ATP11B: variants seen among roughly 807,000 people sequenced by gnomAD.
ATP11B encodes ATPase phospholipid transporting 11B (putative).
In ATP11B, 81 loss-of-function variants were observed where a neutral mutation model predicts 157.8. The observed-to-expected ratio is 0.51, with a 90% CI of 0.43 to 0.62. The LOEUF (loss-of-function observed/expected upper bound fraction) is 0.62, where lower values mean the gene tolerates loss of function less well. Among genes scored for constraint, ATP11B ranks in the 20% least tolerant of loss-of-function variants. ATP11B has a pLI of 0.00. For missense variants in ATP11B, 1,165 were observed against 1,402.2 expected, an observed-to-expected ratio of 0.83 and a Z score of 2.70; for synonymous variants, 451 against 469.4, an observed-to-expected ratio of 0.96 and a Z score of 0.51.
chr3:182,867,579 CTTTTT>C (rs386398716), intron 15 of ATP11B, 135 bp downstream of exon 15: 54 of 152,728 alleles, frequency 3.5e-4, no homozygotes, highest in East Asian at 1.0e-3. Flanking sequence ...AGTCACATTA[CTTTTT>C]TTTTTTTTTT....
intron 1 of ATP11B, among the ~76,000 whole-genome samples, chr3:182,817,023 A>G (rs1288245851): frequency 1.3e-5 from 2 of 152,198 alleles, no homozygotes; most frequent in Non-Finnish European, 2.9e-5. Context: ...CCTATTTTGC[A>G]TATGAAAGAA....
At chr3:182,895,342 A>G (rs1723475311) in intron 25 of ATP11B, among the ~76,000 whole-genome samples, 1 of 152,124 alleles carries the variant, frequency 6.6e-6, no homozygotes, top group African/African-American at 2.4e-5. Flanking sequence ...ATAAAGGAAT[A>G]TTAATTGATG....
At chr3:182,911,068 A>G (rs1403670886) in intron 28 of ATP11B, among the ~76,000 whole-genome samples, 2 of 152,154 alleles carry the variant, frequency 1.3e-5, no homozygotes, top group African/African-American at 4.8e-5. Flanking sequence ...TTCATGGGCC[A>G]GTAATAGTGT....
chr3:182,839,725 C>T (rs920560437), intron 7 of ATP11B, among the ~76,000 whole-genome samples: 55 of 151,914 alleles, frequency 3.6e-4, no homozygotes, highest in Non-Finnish European at 6.2e-4. Context: ...ATTCTCCTGC[C>T]TTAGCCTCCC....
At position 182,835,983 on chromosome 3, in the gene ATP11B, G is replaced by A. The variant is rs113409912; in HGVS notation, c.316-52G>A. The A allele has an allele frequency of 9.0e-5, 130 of 1,438,314 alleles. 1 individual carries two copies. In the African/African-American group the frequency reaches 1.7e-3, roughly 18 times the overall value. The allele number at this position is 1,438,314 out of a possible 1,614,324, so 89.1% of individuals were successfully genotyped here. A position where few individuals can be genotyped will look rare whatever the true frequency, so the allele number is the denominator to read the frequency against. On this transcript the variant is annotated intron_variant, in intron 4 of 29. Transcript: ENST00000323116. Reference sequence around the variant, plus strand: ...GAGTTTTTTTTCTTATTTGATAAAAGTATCTTCAAATTATACTGAAAAATT... The same window carrying A: ...GAGTTTTTTTTCTTATTTGATAAAAATATCTTCAAATTATACTGAAAAATT...
At chr3:182,815,626 C>T (rs1385292421) in intron 1 of ATP11B, among the ~76,000 whole-genome samples, 3 of 151,974 alleles carry the variant, frequency 2.0e-5, no homozygotes, top group African/African-American at 4.8e-5. Flanking sequence ...CCTGAAGCTG[C>T]TTTTTGTTTT....
Position 182,836,478 on chromosome 3 carries a change from T to C in ATP11B, c.552+8T>C. The stretch of plus-strand genomic sequence containing the variant: ...GGAGAAACTAACCTGAAGGTTTGCT[T>C]GCATATGTTTGAGTATTGCTCTTGG... On this transcript the variant is annotated splice_region_variant and intron_variant, in intron 6 of 29. Coordinates refer to ENST00000323116, the MANE Select transcript of ATP11B (RefSeq NM_014616.3). The C allele has an allele frequency of 1.2e-6, 2 of 1,613,902 alleles. No individual in the cohort carries two copies. The highest frequency in any genetic ancestry group is 1.7e-6 in the Non-Finnish European group (2 of 1,179,832).
intron 1 of ATP11B, among the ~76,000 whole-genome samples, chr3:182,809,970 A>G (rs1716551210): frequency 6.6e-6 from 1 of 152,192 alleles, no homozygotes; most frequent in Non-Finnish European, 1.5e-5. Flanking sequence ...TCAGCAGTAG[A>G]ATTTTCTTAG....
intron 28 of ATP11B, among the ~76,000 whole-genome samples, chr3:182,899,930 T>C (rs1335497026): frequency 6.6e-6 from 1 of 152,220 alleles, no homozygotes; most frequent in East Asian, 1.9e-4. Flanking sequence ...TCAACTCTTA[T>C]GCCCTGAGCT....
intron 2 of ATP11B, 66 bp downstream of exon 2, chr3:182,820,442 G>T: frequency 9.2e-7 from 1 of 1,086,592 alleles, no homozygotes; most frequent in South Asian, 1.3e-5. Context: ...CCAGCACTTT[G>T]GGAGGCCAAG....
intron 8 of ATP11B, among the ~76,000 whole-genome samples, chr3:182,842,532 A>G (rs2108516313): frequency 6.6e-6 from 1 of 152,144 alleles, no homozygotes; most frequent in African/African-American, 2.4e-5. Context: ...TGGTTTTTTT[A>G]TGGAAGCTTC....
rs757602317 is a variant in ATP11B, at chr3:182,867,443, C to T, written c.1687C>T (p.Arg563Trp). Residue 563 changes from arginine to tryptophan, a missense_variant and splice_region_variant, in exon 15 of 30, where the codon CGG (arginine) becomes TGG (tryptophan). Physicochemically the swap from Arg to Trp is moderately radical, Grantham distance 101. Transcript: ENST00000323116. ...GGTTAAAACTCTTGGAAAACTGGAACGGTAATTTTTTTTCATATATTGGAA... is the reference window on the plus strand; with the variant it reads ...GGTTAAAACTCTTGGAAAACTGGAATGGTAATTTTTTTTCATATATTGGAA... Reference protein sequence around the residue: ...MEVKTLGKLERYKLLHILEFD... With the variant: ...MEVKTLGKLEWYKLLHILEFD... 5.0e-6 allele frequency: 8 copies of T among 1,597,842 alleles called. No homozygotes were observed. Among genetic ancestry groups the T allele is most frequent in the Admixed American group, 3.3e-5 (2 of 59,910 alleles).
intron 29 of ATP11B, chr3:182,914,238 T>C: frequency 7.8e-7 from 1 of 1,279,802 alleles, no homozygotes; most frequent in Admixed American, 3.9e-5. Flanking sequence ...CAAAAAATTT[T>C]GTTTCATAAT....
In ATP11B at chr3:182,921,420, G is replaced by GTAA. The variant is rs1725481569; in HGVS notation, c.*3318_*3320dup. ...AACTCATGATATGTTTGTAATCATG[G>GTAA]TAATTTAGATTTTTATGAGGAATGA... On this transcript the variant is annotated 3_prime_UTR_variant, in exon 30 of 30. Transcript: ENST00000323116. 1 of 152,064 alleles carries GTAA rather than the reference G, an allele frequency of 6.6e-6. No individual in the cohort carries two copies. The highest frequency in any genetic ancestry group is 2.1e-4 in the South Asian group (1 of 4,830). The allele number at this position is 152,064 out of a possible 1,614,324, so 9.4% of individuals were successfully genotyped here.
chr3:182,867,863 G>C (rs1048558259), intron 15 of ATP11B, among the ~76,000 whole-genome samples: 2 of 152,114 alleles, frequency 1.3e-5, no homozygotes, highest in Admixed American at 6.5e-5. Flanking sequence ...GATCCACTGT[G>C]CCTGGCCCAC....
chr3:182,879,970 T>A (rs1417649821), intron 20 of ATP11B, among the ~76,000 whole-genome samples: 2 of 152,218 alleles, frequency 1.3e-5, no homozygotes, highest in Non-Finnish European at 2.9e-5. Flanking sequence ...ATCAATTATT[T>A]GCACCTTCAG....
At chr3:182,816,998 C>T (rs753621911) in intron 1 of ATP11B, among the ~76,000 whole-genome samples, 1 of 152,096 alleles carries the variant, frequency 6.6e-6, no homozygotes, top group Non-Finnish European at 1.5e-5. Flanking sequence ...ACTATAGACA[C>T]ATATATTAAA....
chr3:182,862,257 G>A (rs1033526470), intron 12 of ATP11B, among the ~76,000 whole-genome samples: 3 of 151,748 alleles, frequency 2.0e-5, no homozygotes, highest in Non-Finnish European at 4.4e-5. Flanking sequence ...TCCAACCTGG[G>A]TGACAAGAGT....
At chr3:182,809,980 G>C (rs1266126470) in intron 1 of ATP11B, among the ~76,000 whole-genome samples, 1 of 152,150 alleles carries the variant, frequency 6.6e-6, no homozygotes, top group Admixed American at 6.5e-5. Context: ...AATTTTCTTA[G>C]TTATTATGCA....
Sources: gnomAD v4.1 joint callset for allele counts (sites outside exome capture counted in the v4.1 genomes callset) on GRCh38, gnomAD v4.1.1 for gene constraint, MANE v1.5 for transcripts, NCBI Gene and HGNC (gene_info 2026-07-23, HGNC 2026-07-21) for gene names.